The following FGF13 variants were observed in gnomAD, a reference collection of about 807,000 sequenced individuals.
FGF13 encodes fibroblast growth factor homologous factor 2.
In FGF13, 2 loss-of-function variants were observed where a neutral mutation model predicts 19.5. That is an observed-to-expected ratio of 0.10 (90% CI 0.04 to 0.32). FGF13 has a LOEUF of 0.32. Among genes scored for constraint, FGF13 ranks in the 10% least tolerant of loss-of-function variants. The pLI is 1.00. For missense variants in FGF13, 113 were observed against 192.7 expected (o/e 0.59, Z 2.45); for synonymous variants, 72 against 76.9 (o/e 0.94, Z 0.33).
chrX:139,092,315 C>A (rs1462905341), intron 1 of FGF13, among the ~76,000 whole-genome samples: 1 of 112,559 alleles, frequency 8.9e-6, no homozygotes, highest in Non-Finnish European at 1.9e-5. Flanking sequence ...TCTATTCCAG[C>A]CTGCATTTGG....
At chrX:139,177,590 T>C (rs948431532) in intron 1 of FGF13, among the ~76,000 whole-genome samples, 7 of 111,418 alleles carry the variant, frequency 6.3e-5, no homozygotes, top group Non-Finnish European at 1.3e-4. Context: ...TAGTGCTTCC[T>C]TCAGGAGCTC....
At chrX:138,739,544 C>T (rs1373586026), upstream of FGF13, among the ~76,000 whole-genome samples, 1 of 111,568 alleles carries the variant, frequency 9.0e-6, no homozygotes, top group East Asian at 2.8e-4. Context: ...TAAGCTTTGC[C>T]TATACTATTT....
intron 1 of FGF13, among the ~76,000 whole-genome samples, chrX:139,116,424 T>A (rs924309236): frequency 8.9e-6 from 1 of 111,981 alleles, no homozygotes; most frequent in Non-Finnish European, 1.9e-5. Flanking sequence ...CCAACTTGTT[T>A]TGGGTAATTA....
intron 3 of FGF13, among the ~76,000 whole-genome samples, chrX:138,768,726 T>TTA (rs2090522224): frequency 1.0e-5 from 1 of 97,872 alleles, no homozygotes; most frequent in South Asian, 4.3e-4. Context: ...TAAGTATATA[T>TTA]TATATATATA....
At chrX:139,162,889 A>G (rs755526990) in intron 1 of FGF13, among the ~76,000 whole-genome samples, 15 of 112,278 alleles carry the variant, frequency 1.3e-4, no homozygotes, top group Non-Finnish European at 2.6e-4. Context: ...AAGTCAGGAA[A>G]CAACAGATGC....
chrX:139,006,825 A>G (rs2092103583), intron 1 of FGF13, among the ~76,000 whole-genome samples: 1 of 111,680 alleles, frequency 9.0e-6, no homozygotes, highest in Non-Finnish European at 1.9e-5. Context: ...TGGTAACCCC[A>G]AATCAAAAAA....
intron 3 of FGF13, among the ~76,000 whole-genome samples, chrX:138,827,010 G>C (rs770742379): frequency 1.8e-5 from 2 of 112,453 alleles, no homozygotes; most frequent in South Asian, 7.4e-4. Context: ...ATGGCACATA[G>C]CCGCCTCTAT....
At chrX:138,947,285 TG>T (rs1418527790) in intron 1 of FGF13, among the ~76,000 whole-genome samples, 1 of 111,185 alleles carries the variant, frequency 9.0e-6, no homozygotes, top group African/African-American at 3.3e-5. Context: ...CAGCTTAAAA[TG>T]AGCAAAAAAA....
intron 3 of FGF13, among the ~76,000 whole-genome samples, chrX:138,827,956 C>T (rs953394512): frequency 9.0e-6 from 1 of 111,602 alleles, no homozygotes; most frequent in Non-Finnish European, 1.9e-5. Context: ...GGGGTTAAAA[C>T]CCGGGTTTGT....
chrX:138,899,202 GGGGGTT>G (rs1188491204), intron 1 of FGF13, among the ~76,000 whole-genome samples: 1 of 111,440 alleles, frequency 9.0e-6, no homozygotes. Context: ...TGTTTTTTGG[GGGGGTT>G]GGGTTATAAG....
At chrX:138,938,222 G>A (rs931583112) in intron 1 of FGF13, among the ~76,000 whole-genome samples, 5 of 111,691 alleles carry the variant, frequency 4.5e-5, no homozygotes, top group African/African-American at 9.8e-5. Flanking sequence ...GAGACCAAAC[G>A]GATGTGAAAA....
chrX:138,705,187 A>T (rs2089982309), intron 2 of FGF13, among the ~76,000 whole-genome samples: 1 of 111,972 alleles, frequency 8.9e-6, no homozygotes, highest in South Asian at 3.7e-4. Flanking sequence ...GTAATAAATG[A>T]CAGAGAATGA....
chrX:139,065,278 T>C (rs2092351131), intron 1 of FGF13, among the ~76,000 whole-genome samples: 1 of 110,299 alleles, frequency 9.1e-6, no homozygotes, highest in Admixed American at 9.7e-5. Context: ...AACATCATAA[T>C]GACAGGATCA....
At chrX:138,901,109 T>A (rs2091529772) in intron 1 of FGF13, among the ~76,000 whole-genome samples, 1 of 112,288 alleles carries the variant, frequency 8.9e-6, no homozygotes, top group Non-Finnish European at 1.9e-5. Context: ...GTCTCCTCAC[T>A]TTGGCACATA....
At chrX:138,947,853 T>C (rs1414731850) in intron 1 of FGF13, among the ~76,000 whole-genome samples, 1 of 111,419 alleles carries the variant, frequency 9.0e-6, no homozygotes, top group Non-Finnish European at 1.9e-5. Context: ...TGAGGCCATA[T>C]GTGGGTGGGG....
intron 3 of FGF13, among the ~76,000 whole-genome samples, chrX:138,652,985 C>T (rs1435116558): frequency 8.9e-6 from 1 of 112,041 alleles, no homozygotes; most frequent in Non-Finnish European, 1.9e-5. Flanking sequence ...AAAGAAAATT[C>T]TGTAATTTTG....
upstream of FGF13, among the ~76,000 whole-genome samples, chrX:138,744,310 G>A (rs2090340702): frequency 2.7e-5 from 3 of 111,214 alleles, no homozygotes; most frequent in South Asian, 1.2e-3. Context: ...GCACCATTGA[G>A]GCCCTGATGT....
At chrX:138,738,152 G>T (rs2090293231) in intron 1 of FGF13, among the ~76,000 whole-genome samples, 1 of 111,974 alleles carries the variant, frequency 8.9e-6, no homozygotes, top group South Asian at 3.7e-4. Flanking sequence ...ACTCAGAAGA[G>T]AAAGCCTATT....
intron 3 of FGF13, among the ~76,000 whole-genome samples, chrX:138,787,606 T>C (rs141388619): frequency 8.4e-4 from 94 of 111,767 alleles, no homozygotes; most frequent in African/African-American, 2.8e-3. Context: ...GTTTGTTACA[T>C]GGGTATACAT....
Sources: allele counts gnomAD v4.1 joint callset (sites outside exome capture counted in the v4.1 genomes callset), GRCh38; gene constraint gnomAD v4.1.1; transcripts MANE v1.5; gene names NCBI Gene and HGNC (gene_info 2026-07-23, HGNC 2026-07-21).